The following MBOAT2 variants were observed in gnomAD, a reference collection of about 807,000 sequenced individuals.
The protein encoded by MBOAT2 is membrane bound glycerophospholipid O-acyltransferase 2.
A neutral mutation model predicts 63.4 loss-of-function variants in MBOAT2; 28 were observed. The observed-to-expected ratio is 0.44, with a 90% CI of 0.33 to 0.61. The LOEUF is 0.61. MBOAT2 is among the 20% of genes least tolerant of loss of function. MBOAT2 has a pLI of 0.03. For missense variants in MBOAT2, 470 were observed against 605.8 expected, an observed-to-expected ratio of 0.78 and a Z score of 2.35; for synonymous variants, 211 against 215.6, an observed-to-expected ratio of 0.98 and a Z score of 0.19.
chr2:8,912,383 GAAAGAA>G (rs746589944), intron 3 of MBOAT2, among the ~76,000 whole-genome samples: 6 of 140,358 alleles, frequency 4.3e-5, no homozygotes, highest in East Asian at 4.2e-4. Flanking sequence ...GAGAAAGAAA[GAAAGAA>G]AGAAAGAAAG....
intron 1 of MBOAT2, among the ~76,000 whole-genome samples, chr2:8,969,460 T>C (rs1271345805): frequency 6.6e-6 from 1 of 152,102 alleles, no homozygotes; most frequent in Non-Finnish European, 1.5e-5. Flanking sequence ...GAAACTGCAT[T>C]AACAAATGAG....
intron 3 of MBOAT2, among the ~76,000 whole-genome samples, chr2:8,918,741 C>T (rs79331345): frequency 0.026 from 3,957 of 152,236 alleles, 181 homozygotes; most frequent in African/African-American, 0.09. Context: ...TTGCAAGCCT[C>T]GCTCAAATAG....
intron 4 of MBOAT2, among the ~76,000 whole-genome samples, chr2:8,891,228 C>T (rs1473384980): frequency 6.6e-6 from 1 of 152,132 alleles, no homozygotes; most frequent in Non-Finnish European, 1.5e-5. Context: ...AACAGAAAGA[C>T]AGAAGACAAA....
At chr2:8,994,620 C>T (rs377715938) in intron 1 of MBOAT2, among the ~76,000 whole-genome samples, 19 of 152,270 alleles carry the variant, frequency 1.2e-4, no homozygotes, top group Admixed American at 4.6e-4. Flanking sequence ...TGCGAGACAG[C>T]TGTGTGAAGA....
In MBOAT2 at chr2:8,862,968, A is replaced by G. The variant is rs1251582916; in HGVS notation, c.1053-246T>C. Among the ~76,000 whole-genome samples, 1 of 152,114 alleles carries G rather than the reference A, an allele frequency of 6.6e-6. No individual in the cohort carries two copies. Among genetic ancestry groups the G allele is most frequent in the Admixed American group, 6.6e-5 (1 of 15,266 alleles). On this transcript the variant is annotated intron_variant, in intron 10 of 12. Coordinates refer to ENST00000305997, the MANE Select transcript of MBOAT2 (RefSeq NM_138799.4). This position sits in a 1 kb window ranked among gnomAD's most constrained non-coding sequence, Gnocchi z 4.3. ...ATATAGTATATATATTGGTATATAT[A>G]GTAACTTAAATGATCATTTCTAGTA...
At chr2:8,976,859 G>T (rs1007661580) in intron 1 of MBOAT2, among the ~76,000 whole-genome samples, 19 of 152,092 alleles carry the variant, frequency 1.2e-4, no homozygotes, top group African/African-American at 4.3e-4. Context: ...GCAATAAAAA[G>T]GAATGAACTA....
intron 1 of MBOAT2, among the ~76,000 whole-genome samples, chr2:8,964,520 T>C (rs999114543): frequency 1.3e-5 from 2 of 151,718 alleles, no homozygotes; most frequent in East Asian, 3.9e-4. Flanking sequence ...AAACTGAACG[T>C]AAGCTTCTGC....
At chr2:8,972,103 C>T (rs1050046861) in intron 1 of MBOAT2, among the ~76,000 whole-genome samples, 2 of 152,198 alleles carry the variant, frequency 1.3e-5, no homozygotes, top group Non-Finnish European at 2.9e-5. Flanking sequence ...CATCACGCTA[C>T]CTGACTTCAA....
chr2:8,934,651 C>A (rs1222939503), intron 3 of MBOAT2, among the ~76,000 whole-genome samples: 2 of 152,158 alleles, frequency 1.3e-5, no homozygotes, highest in Non-Finnish European at 2.9e-5. Flanking sequence ...ACCAAGAGGG[C>A]CTGTACCTTT....
intron 1 of MBOAT2, among the ~76,000 whole-genome samples, chr2:8,994,094 A>G (rs560409412): frequency 1.7e-4 from 26 of 152,352 alleles, no homozygotes; most frequent in African/African-American, 6.0e-4. Flanking sequence ...AAGCTGAGCC[A>G]GTCTATGCTT....
chr2:8,980,439 A>G (rs952295633), intron 1 of MBOAT2, among the ~76,000 whole-genome samples: 3 of 152,200 alleles, frequency 2.0e-5, no homozygotes, highest in African/African-American at 7.2e-5. Flanking sequence ...GAAAATAAGA[A>G]TAATCCCTAT....
intron 1 of MBOAT2, among the ~76,000 whole-genome samples, chr2:8,993,796 A>G (rs1271888165): frequency 6.6e-6 from 1 of 152,182 alleles, no homozygotes; most frequent in Non-Finnish European, 1.5e-5. Context: ...CCTGGCATAC[A>G]TGAGACACTT....
chr2:8,873,394 C>T (rs1262253395), intron 7 of MBOAT2, 94 bp from the exon 8 acceptor site: 2 of 1,267,066 alleles, frequency 1.6e-6, no homozygotes, highest in Non-Finnish European at 2.2e-6. Context: ...CTGAATGGAT[C>T]ATCAGTCCTA....
intron 2 of MBOAT2, among the ~76,000 whole-genome samples, chr2:8,958,101 C>T (rs540994740): frequency 6.6e-6 from 1 of 152,282 alleles, no homozygotes; most frequent in African/African-American, 2.4e-5. Flanking sequence ...CAATAAAGTT[C>T]TATCCATAGT....
rs1660903256 is a variant in MBOAT2, at chr2:8,853,642, G to A, written c.*5037C>T. 6.6e-6 allele frequency: 1 copy of A among 152,056 alleles called. No individual in the cohort carries two copies. Among genetic ancestry groups the A allele is most frequent in the Non-Finnish European group, 1.5e-5 (1 of 68,032 alleles). The allele number at this position is 152,056 out of a possible 1,614,324, so 9.4% of individuals were successfully genotyped here. A position where few individuals can be genotyped will look rare whatever the true frequency, so the allele number is the denominator to read the frequency against. On this transcript the variant is annotated 3_prime_UTR_variant, in exon 13 of 13. Transcript: ENST00000305997. ...ACTGTAGCATTTCCATTTATTTTTA[G>A]TGTGTGATTTGATAAAACATGGCTG...
intron 3 of MBOAT2, among the ~76,000 whole-genome samples, chr2:8,918,654 C>A (rs1454840204): frequency 1.3e-5 from 2 of 152,152 alleles, no homozygotes; most frequent in African/African-American, 2.4e-5. Flanking sequence ...ATTTGTTTAA[C>A]CTGAATTATA....
At chr2:8,899,120 G>A (rs929542209) in intron 4 of MBOAT2, among the ~76,000 whole-genome samples, 11 of 152,144 alleles carry the variant, frequency 7.2e-5, no homozygotes, top group East Asian at 1.9e-4. Context: ...TGGAATGGGC[G>A]GGCATTTTTT....
intron 1 of MBOAT2, among the ~76,000 whole-genome samples, chr2:8,988,975 T>C (rs1285698911): frequency 6.6e-6 from 1 of 152,198 alleles, no homozygotes; most frequent in Non-Finnish European, 1.5e-5. Context: ...AATTAAGTCT[T>C]AGAATGTTTT....
At chr2:8,904,599 C>A (rs777178550) in intron 4 of MBOAT2, among the ~76,000 whole-genome samples, 21 of 152,220 alleles carry the variant, frequency 1.4e-4, no homozygotes, top group Non-Finnish European at 2.8e-4. Flanking sequence ...GTGTGAGCCA[C>A]TGCACCCAGT....
Sources: allele counts gnomAD v4.1 joint callset (sites outside exome capture counted in the v4.1 genomes callset), GRCh38; gene constraint gnomAD v4.1.1; non-coding constraint Gnocchi (gnomAD v3.1); transcripts MANE v1.5; gene names NCBI Gene and HGNC (gene_info 2026-07-23, HGNC 2026-07-21).